Variants in MROH2B observed in about 807,000 individuals in gnomAD.
The protein encoded by MROH2B is maestro heat like repeat family member 2B, also known as maestro heat-like repeat-containing protein family member 2B.
Under a neutral mutation model 208.6 loss-of-function variants are expected in MROH2B, and 177 were observed. The observed-to-expected ratio is 0.85, with a 90% confidence interval of 0.75 to 0.96. The LOEUF (loss-of-function observed/expected upper bound fraction) is 0.96, where lower values mean the gene tolerates loss of function less well. MROH2B is among the 40% of genes least tolerant of loss of function. The pLI, the probability that MROH2B is intolerant of heterozygous loss-of-function variation, is 0.00. For missense variants in MROH2B, 2,002 were observed against 1,878.7 expected (o/e 1.07, Z -1.21); for synonymous variants, 728 against 659.0 (o/e 1.10, Z -1.60).
chr5:41,054,907 G>T, intron 10 of MROH2B, 67 bp from the exon 11 acceptor site: 2 of 1,142,572 alleles, frequency 1.8e-6, no homozygotes, highest in Non-Finnish European at 2.5e-6. Flanking sequence ...TAGGATTGAT[G>T]AAAAGCTATT....
At position 41,032,740 on chromosome 5, in the gene MROH2B, A is replaced by G; in HGVS notation, c.2441+2T>C. The stretch of plus-strand genomic sequence containing the variant: ...CAATGAAAACAACTAAAAATTATCT[A>G]CCTGAGATACCTAATGGCGATTAAG... On this transcript the variant is annotated splice_donor_variant, in intron 24 of 41. Transcript: ENST00000399564. LOFTEE classifies it high-confidence loss of function. The G allele has an allele frequency of 6.2e-7, 1 of 1,610,698 alleles. No individual in the cohort carries two copies. Among genetic ancestry groups the G allele is most frequent in the Non-Finnish European group, 8.5e-7 (1 of 1,177,852 alleles).
intron 30 of MROH2B, 43 bp from the exon 31 acceptor site, chr5:41,010,122 C>T: frequency 6.3e-7 from 1 of 1,599,488 alleles, no homozygotes; most frequent in Non-Finnish European, 8.5e-7. Context: ...TTGCCATTTT[C>T]CCTCTATGTG....
chr5:41,006,682 G>T (rs1262431666), intron 34 of MROH2B, among the ~76,000 whole-genome samples: 1 of 152,194 alleles, frequency 6.6e-6, no homozygotes, highest in East Asian at 1.9e-4. Context: ...AATGGCATTT[G>T]CAGCAACCTG....
At position 41,017,757 on chromosome 5, in the gene MROH2B, G is replaced by A. The variant is rs1387377750; in HGVS notation, c.2884+93C>T. 1.8e-4 allele frequency: 248 copies of A among 1,377,150 alleles called. 2 individuals are homozygous for A. The highest frequency in any genetic ancestry group is 1.3e-5 in the Non-Finnish European group (13 of 1,036,978). 85.3% of individuals were successfully genotyped at this position (1,377,150 alleles called of 1,614,324 possible). A position where few individuals can be genotyped will look rare whatever the true frequency, so the allele number is the denominator to read the frequency against. On this transcript the variant is annotated intron_variant, in intron 28 of 41. Coordinates refer to ENST00000399564, the MANE Select transcript of MROH2B (RefSeq NM_173489.5). Reference sequence around the variant, plus strand: ...AAAGAGGAGAGAGGAGAGGGGAGGAGGGAGAGAGACATAGGTGCATAAGGA... The same window carrying A: ...AAAGAGGAGAGAGGAGAGGGGAGGAAGGAGAGAGACATAGGTGCATAAGGA...
intron 24 of MROH2B, among the ~76,000 whole-genome samples, chr5:41,023,417 C>G (rs927961099): frequency 6.6e-6 from 1 of 151,928 alleles, no homozygotes; most frequent in East Asian, 1.9e-4. Flanking sequence ...GTAGCCGATT[C>G]GATCAACTGG....
At chr5:41,038,673 G>C (rs1256221272) in intron 21 of MROH2B, 63 bp downstream of exon 21, 6 of 1,502,848 alleles carry the variant, frequency 4.0e-6, no homozygotes, top group Non-Finnish European at 4.5e-6. Flanking sequence ...CCCAGGGACT[G>C]AGCCCCTGCA....
chr5:41,060,543 C>T (rs1203157245), intron 6 of MROH2B, among the ~76,000 whole-genome samples: 1 of 152,188 alleles, frequency 6.6e-6, no homozygotes, highest in Non-Finnish European at 1.5e-5. Context: ...TTTTCAACCT[C>T]TGCCTCAGTA....
chr5:41,046,870 A>G (rs1489461618), intron 17 of MROH2B, among the ~76,000 whole-genome samples: 1 of 152,144 alleles, frequency 6.6e-6, no homozygotes, highest in African/African-American at 2.4e-5. Flanking sequence ...GGACCAGGAG[A>G]GTAGAGCAGT....
intron 5 of MROH2B, 50 bp from the exon 6 acceptor site, chr5:41,061,774 CA>C: frequency 6.5e-7 from 1 of 1,548,588 alleles, no homozygotes; most frequent in Non-Finnish European, 8.7e-7. Context: ...AAGGATGGGG[CA>C]GACGATAAAA....
chr5:41,025,774 G>T (rs1356838773), intron 24 of MROH2B, among the ~76,000 whole-genome samples: 1 of 152,162 alleles, frequency 6.6e-6, no homozygotes, highest in Non-Finnish European at 1.5e-5. Flanking sequence ...GAACATCAAT[G>T]CAAAAATCCT....
intron 13 of MROH2B, among the ~76,000 whole-genome samples, chr5:41,050,012 C>G (rs1743239680): frequency 6.6e-6 from 1 of 152,178 alleles, no homozygotes; most frequent in Non-Finnish European, 1.5e-5. Flanking sequence ...CTTCTCTCTT[C>G]TTTGTCATCT....
intron 29 of MROH2B, among the ~76,000 whole-genome samples, chr5:41,013,866 T>G (rs1350866601): frequency 6.6e-6 from 1 of 152,234 alleles, no homozygotes; most frequent in Admixed American, 6.5e-5. Context: ...CAATTACTCA[T>G]GTCTCTGCTA....
chr5:41,017,843 C>T lies in MROH2B; in HGVS notation c.2884+7G>A. Reference sequence around the variant, plus strand: ...CTTCATTTGTGGGTTCCCCATCTTTCCCTCACCTTTTATATAGAACAGACC... The same window carrying T: ...CTTCATTTGTGGGTTCCCCATCTTTTCCTCACCTTTTATATAGAACAGACC... On this transcript the variant is annotated splice_region_variant and intron_variant, in intron 28 of 41. Transcript: ENST00000399564. 1 of 1,578,386 alleles carries T rather than the reference C, an allele frequency of 6.3e-7. No homozygotes were observed. Among genetic ancestry groups the T allele is most frequent in the Non-Finnish European group, 8.6e-7 (1 of 1,164,464 alleles).
intron 6 of MROH2B, among the ~76,000 whole-genome samples, chr5:41,061,186 CA>C (rs762156460): frequency 1.3e-5 from 2 of 152,196 alleles, no homozygotes; most frequent in Non-Finnish European, 2.9e-5. Context: ...ATTAGTGACT[CA>C]GCTCATATAT....
At chr5:41,057,562 C>CATTTTTTTTTTTTTTTTTTTTTT (rs1743497906) in intron 7 of MROH2B, among the ~76,000 whole-genome samples, 1 of 4,372 alleles carries the variant, frequency 2.3e-4, no homozygotes, top group Non-Finnish European at 5.5e-4. Context: ...GAATATCCCT[C>CATTTTTTTTTTTTTTTTTTTTTT]CTTTTTTTTT....
Position 41,004,440 on chromosome 5 carries a change from T to C in MROH2B, c.4100A>G (p.Lys1367Arg), listed in dbSNP as rs753304438. The change falls in exon 37 of 42, where the codon AAG becomes AGG. Residue 1367 changes from lysine to arginine, a missense_variant. By Grantham distance (26) the Lys-to-Arg change is conservative. Transcript: ENST00000399564. ...CAGCTCCAGGATTTTTTTTAGAGCC[T>C]TCAAGCTTTCACAGACGACTTCAGT... ...ARTEVVCESL[K>R]ALKKILELLT... The C allele has an allele frequency of 6.2e-7, 1 of 1,613,992 alleles. No individual in the cohort carries two copies. Among genetic ancestry groups the C allele is most frequent in the South Asian group, 1.1e-5 (1 of 91,084 alleles).
intron 6 of MROH2B, 127 bp from the exon 7 acceptor site, chr5:41,058,330 T>G: frequency 1.1e-6 from 1 of 915,844 alleles, no homozygotes; most frequent in Non-Finnish European, 1.5e-6. Flanking sequence ...AAATAATTCT[T>G]TAAATTCTTT....
At chr5:41,031,515 G>A (rs902959828) in intron 24 of MROH2B, among the ~76,000 whole-genome samples, 1 of 152,030 alleles carries the variant, frequency 6.6e-6, no homozygotes, top group African/African-American at 2.4e-5. Context: ...ACTATGGGTG[G>A]TTTTTATTAT....
intron 20 of MROH2B, among the ~76,000 whole-genome samples, chr5:41,039,204 G>A (rs1742865238): frequency 6.6e-6 from 1 of 152,074 alleles, no homozygotes; most frequent in South Asian, 2.1e-4. Flanking sequence ...GGTTGGTAGA[G>A]GGACAAACTT....
Sources: allele counts gnomAD v4.1 joint callset (sites outside exome capture counted in the v4.1 genomes callset), GRCh38; gene constraint gnomAD v4.1.1; transcripts MANE v1.5; gene names NCBI Gene and HGNC (gene_info 2026-07-23, HGNC 2026-07-21).